Variants in DIAPH3 observed in about 807,000 individuals in gnomAD.
DIAPH3 encodes diaphanous related formin 3.
A neutral mutation model predicts 144.3 loss-of-function variants in DIAPH3; 117 were observed. That is an observed-to-expected ratio of 0.81 (90% CI 0.70 to 0.95). The LOEUF (loss-of-function observed/expected upper bound fraction) is 0.95. Ranked by LOEUF, DIAPH3 falls within the 40% of genes least tolerant of loss-of-function variation. The probability of loss-of-function intolerance (pLI) is 0.00; values close to 1 mark genes in which losing one functional copy is unlikely to be tolerated. For missense variants in DIAPH3, 1,421 were observed against 1,412.7 expected (o/e 1.01, Z -0.09); for synonymous variants, 519 against 488.9 (o/e 1.06, Z -0.81).
At chr13:60,132,337 C>T (rs368750641) in intron 2 of DIAPH3, among the ~76,000 whole-genome samples, 56 of 152,210 alleles carry the variant, frequency 3.7e-4, no homozygotes, top group African/African-American at 1.2e-3. Context: ...CTATAACACA[C>T]TTACATATTT....
chr13:59,741,698 C>T (rs1221924309), intron 27 of DIAPH3, among the ~76,000 whole-genome samples: 1 of 96,562 alleles, frequency 1.0e-5, no homozygotes, highest in African/African-American at 4.3e-5. Context: ...GCCTGGGCAA[C>T]AAAGCAAAAA....
rs1336561933 is a variant in DIAPH3, at chr13:59,839,377, C to T, written c.2809G>A (p.Glu937Lys). Residue 937 changes from glutamate (E) to lysine (K), a missense_variant, in exon 23 of 28, where the codon GAA becomes AAA. By Grantham distance (56) the Glu-to-Lys change is moderately conservative. Transcript: ENST00000400324. ...RQLQQLEKEL[E>K]TFPPPEDLHD... is the part of the protein sequence containing the mutation. ...AAGTCCTCAGGAGGGGGAAAGGTTT[C>T]CAATTCCTTCTCAAGCTGTTGAAGC... is the stretch of plus-strand genomic sequence containing the variant. The T allele has an allele frequency of 3.7e-6, 6 of 1,613,752 alleles. No individual in the cohort carries two copies. The highest frequency in any genetic ancestry group is 4.2e-6 in the Non-Finnish European group (5 of 1,179,806).
At chr13:59,756,868 C>G (rs2037305814) in intron 27 of DIAPH3, among the ~76,000 whole-genome samples, 1 of 152,054 alleles carries the variant, frequency 6.6e-6, no homozygotes, top group Non-Finnish European at 1.5e-5. Flanking sequence ...AAAACCTACT[C>G]AATGGCAGCA....
intron 25 of DIAPH3, among the ~76,000 whole-genome samples, chr13:59,782,832 A>C (rs2038809202): frequency 1.3e-5 from 2 of 152,210 alleles, no homozygotes; most frequent in Admixed American, 6.5e-5. Flanking sequence ...CAGAGCTGTC[A>C]AAAGAGACAA....
At chr13:59,993,629 T>G (rs1397334545) in intron 9 of DIAPH3, among the ~76,000 whole-genome samples, 2 of 145,852 alleles carry the variant, frequency 1.4e-5, no homozygotes, top group Non-Finnish European at 1.5e-5. Flanking sequence ...ATGCCTCTAC[T>G]GTCGAAACTT....
chr13:59,968,229 T>C lies in DIAPH3; in HGVS notation c.2074+1715A>G, dbSNP rs1446155394. On this transcript the variant is annotated intron_variant, in intron 17 of 27. Transcript: ENST00000400324. ...CTAAATTAAAGACATGCTAACAAGT[T>C]TCCCTTTTGAGCCTCATTAATTAAG... Among the ~76,000 whole-genome samples the C allele has an allele frequency of 3.9e-5, 6 of 152,310 alleles. No individual in the cohort carries two copies. The South Asian group carries it at 6.2e-4, about 16-fold the overall frequency.
At chr13:59,843,922 G>C (rs2042478542) in intron 22 of DIAPH3, among the ~76,000 whole-genome samples, 1 of 152,066 alleles carries the variant, frequency 6.6e-6, no homozygotes, top group Non-Finnish European at 1.5e-5. Context: ...GACACAGGGA[G>C]GGGAACAACA....
chr13:59,919,308 C>T (rs532673170), intron 18 of DIAPH3, among the ~76,000 whole-genome samples: 3 of 151,960 alleles, frequency 2.0e-5, no homozygotes, highest in East Asian at 3.9e-4. Flanking sequence ...TATCCAGATA[C>T]GGGAAGGTAA....
At chr13:59,961,239 C>T (rs1031069852) in intron 17 of DIAPH3, among the ~76,000 whole-genome samples, 1 of 152,192 alleles carries the variant, frequency 6.6e-6, no homozygotes, top group Non-Finnish European at 1.5e-5. Context: ...GTTCAGCTAA[C>T]ATTTCCTGAG....
chr13:60,133,245 A>C (rs1178445344), intron 1 of DIAPH3, among the ~76,000 whole-genome samples: 1 of 152,118 alleles, frequency 6.6e-6, no homozygotes, highest in Non-Finnish European at 1.5e-5. Flanking sequence ...AAAATTAACT[A>C]TGGTACAATA....
chr13:60,037,249 C>G (rs1210557484), intron 5 of DIAPH3, among the ~76,000 whole-genome samples: 1 of 151,672 alleles, frequency 6.6e-6, no homozygotes. Context: ...TAATAATATA[C>G]TTAAAGCAAA....
chr13:60,066,681 T>TAAA (rs1428235109), intron 4 of DIAPH3, among the ~76,000 whole-genome samples: 2 of 152,250 alleles, frequency 1.3e-5, no homozygotes, highest in Non-Finnish European at 2.9e-5. Context: ...AGGCTGAGAT[T>TAAA]AAAAATTACA....
At chr13:59,768,986 C>T (rs551558979) in intron 27 of DIAPH3, among the ~76,000 whole-genome samples, 7 of 152,140 alleles carry the variant, frequency 4.6e-5, no homozygotes, top group Non-Finnish European at 7.4e-5. Context: ...GTTTTAATTG[C>T]ATATAGTTTA....
At chr13:59,955,892 A>G (rs933795490) in intron 17 of DIAPH3, among the ~76,000 whole-genome samples, 1 of 152,190 alleles carries the variant, frequency 6.6e-6, no homozygotes, top group Admixed American at 6.5e-5. Flanking sequence ...TATCAAAGAG[A>G]CTGGCAGCAT....
chr13:59,926,422 T>A (rs1209047670), intron 17 of DIAPH3, among the ~76,000 whole-genome samples: 1 of 152,252 alleles, frequency 6.6e-6, no homozygotes, highest in Non-Finnish European at 1.5e-5. Context: ...TGATTTGAAA[T>A]CTATTTTTTA....
At chr13:59,875,237 T>C (rs2044541077) in intron 21 of DIAPH3, among the ~76,000 whole-genome samples, 1 of 152,200 alleles carries the variant, frequency 6.6e-6, no homozygotes, top group Non-Finnish European at 1.5e-5. Flanking sequence ...ATTAATATGA[T>C]GTCAAAATGA....
At chr13:60,008,785 T>C (rs1299955637) in intron 8 of DIAPH3, 136 bp from the exon 9 acceptor site, 1 of 691,964 alleles carries the variant, frequency 1.4e-6, no homozygotes, top group East Asian at 2.5e-5. Context: ...GTACATACCA[T>C]GTATCAAGCA....
rs536438846 is a variant in DIAPH3 at position 59,960,958 on chromosome 13, C to T, written c.2074+8986G>A. 6.6e-5 allele frequency among the ~76,000 whole-genome samples: 10 copies of T among 152,010 alleles called. No homozygotes were observed. The East Asian group carries it at 7.7e-4, about 12-fold the overall frequency. ...TCGAGAAACTTAATGAAGCACTTGACATTTAAGACATACATAAAAATGAAA... is the reference window on the plus strand; with the variant it reads ...TCGAGAAACTTAATGAAGCACTTGATATTTAAGACATACATAAAAATGAAA... On this transcript the variant is annotated intron_variant, in intron 17 of 27. Transcript: ENST00000400324.
At chr13:59,953,899 A>AT (rs796184357) in intron 17 of DIAPH3, among the ~76,000 whole-genome samples, 3 of 152,180 alleles carry the variant, frequency 2.0e-5, no homozygotes, top group South Asian at 4.1e-4. Context: ...TTTGGAAGCT[A>AT]TTTTTTTAAA....
Sources: gnomAD v4.1 joint callset for allele counts (sites outside exome capture counted in the v4.1 genomes callset) on GRCh38, gnomAD v4.1.1 for gene constraint, MANE v1.5 for transcripts, NCBI Gene and HGNC (gene_info 2026-07-23, HGNC 2026-07-21) for gene names.